FCHSD2: variants seen among roughly 807,000 people sequenced by gnomAD.
The protein encoded by FCHSD2 is F-BAR and double SH3 domains protein 2.
In FCHSD2, 38 loss-of-function variants were observed where a neutral mutation model predicts 108.1. The ratio of observed to expected loss-of-function variants is 0.35; its 90% CI spans 0.27 to 0.46. The LOEUF (loss-of-function observed/expected upper bound fraction) is 0.46. Among genes scored for constraint, FCHSD2 ranks in the 20% least tolerant of loss-of-function variants. The pLI, the probability that FCHSD2 is intolerant of heterozygous loss-of-function variation, is 1.00. For missense variants in FCHSD2, 751 were observed against 897.8 expected (o/e 0.84, Z 2.09); for synonymous variants, 279 against 314.7 (o/e 0.89, Z 1.20).
chr11:72,977,199 G>T (rs1857120290), intron 8 of FCHSD2, among the ~76,000 whole-genome samples: 1 of 152,156 alleles, frequency 6.6e-6, no homozygotes, highest in Non-Finnish European at 1.5e-5. Flanking sequence ...TGGGATTACA[G>T]GTGTGAGCCA....
chr11:73,003,601 C>T (rs2135420381), intron 4 of FCHSD2, among the ~76,000 whole-genome samples: 1 of 150,614 alleles, frequency 6.6e-6, no homozygotes, highest in East Asian at 2.0e-4. Flanking sequence ...ATTCTCCTGC[C>T]TCAGCCTCCC....
intron 5 of FCHSD2, among the ~76,000 whole-genome samples, chr11:72,991,169 T>G (rs1465590390): frequency 1.3e-5 from 2 of 152,158 alleles, no homozygotes; most frequent in Non-Finnish European, 2.9e-5. Flanking sequence ...CAGGAAGAAG[T>G]TGAATCTCTG....
intron 2 of FCHSD2, among the ~76,000 whole-genome samples, chr11:73,138,359 C>G (rs1265599674): frequency 6.6e-6 from 1 of 152,144 alleles, no homozygotes; most frequent in Non-Finnish European, 1.5e-5. Flanking sequence ...CTACAGACAA[C>G]AGGGGAAAAA....
At chr11:73,109,009 G>A (rs1860417550) in intron 2 of FCHSD2, among the ~76,000 whole-genome samples, 1 of 152,178 alleles carries the variant, frequency 6.6e-6, no homozygotes, top group Non-Finnish European at 1.5e-5. Context: ...CTCAATGTAT[G>A]TTCTTTGCAC....
At chr11:72,902,105 C>T (rs995954165) in intron 10 of FCHSD2, among the ~76,000 whole-genome samples, 1 of 152,078 alleles carries the variant, frequency 6.6e-6, no homozygotes, top group African/African-American at 2.4e-5. Flanking sequence ...GAACTCCTGA[C>T]CTCAGGTCAT....
At chr11:72,865,823 T>G (rs1263735737) in intron 13 of FCHSD2, among the ~76,000 whole-genome samples, 1 of 152,196 alleles carries the variant, frequency 6.6e-6, no homozygotes, top group African/African-American at 2.4e-5. Flanking sequence ...TTCCAAGGTG[T>G]GCAGATGAGT....
At chr11:72,970,053 T>C (rs933928140) in intron 8 of FCHSD2, among the ~76,000 whole-genome samples, 2 of 152,128 alleles carry the variant, frequency 1.3e-5, no homozygotes, top group African/African-American at 4.8e-5. Flanking sequence ...TCAACAGTCA[T>C]CAGAATACCA....
At chr11:72,887,925 C>CTGA (rs1855232542) in intron 11 of FCHSD2, among the ~76,000 whole-genome samples, 1 of 152,098 alleles carries the variant, frequency 6.6e-6, no homozygotes, top group African/African-American at 2.4e-5. Context: ...TGTTAAGCAA[C>CTGA]ATTACATAAG....
chr11:72,845,473 A>G (rs1431240104), intron 14 of FCHSD2, among the ~76,000 whole-genome samples: 7 of 150,296 alleles, frequency 4.7e-5, no homozygotes, highest in Admixed American at 4.6e-4. Context: ...AACAACAAAC[A>G]AACAAAAACC....
At chr11:72,940,794 G>A (rs1856401158) in intron 8 of FCHSD2, 1 of 847,852 alleles carries the variant, frequency 1.2e-6, no homozygotes, top group African/African-American at 1.6e-5. Context: ...GAAGCCTTCA[G>A]TGCGTTGCAG....
chr11:72,879,167 G>A (rs1373852825), intron 12 of FCHSD2, among the ~76,000 whole-genome samples: 1 of 152,166 alleles, frequency 6.6e-6, no homozygotes. Context: ...TATCCAGCCA[G>A]AGTTGAGAGA....
At chr11:72,934,681 T>C (rs2135331996) in intron 8 of FCHSD2, among the ~76,000 whole-genome samples, 1 of 152,264 alleles carries the variant, frequency 6.6e-6, no homozygotes, top group South Asian at 2.1e-4. Flanking sequence ...TGCTCAGAAA[T>C]GGCAGGATAA....
rs76555174 is a variant in FCHSD2, at chr11:72,902,561, C to T, written c.906G>A (p.Gln302=). 4,088 of 1,584,174 alleles carry T rather than the reference C, an allele frequency of 2.6e-3. 68 individuals carry two copies. The African/African-American group carries it at 0.043, about 16-fold the overall frequency. Residue 302 remains glutamine (Q), a synonymous_variant, in exon 10 of 20, where the codon CAG becomes CAA. Transcript: ENST00000409418. Reference sequence around the variant, plus strand: ...CCCTTACAGTATCACTGTCACAAGGCTGGAACTGGAAGGGCTGGGGTTTGT... The same window carrying T: ...CCCTTACAGTATCACTGTCACAAGGTTGGAACTGGAAGGGCTGGGGTTTGT... ...VFHKPQPFQF[Q]PCDSDTSRQL...
chr11:73,093,286 A>G (rs754660170), intron 2 of FCHSD2, among the ~76,000 whole-genome samples: 2 of 152,168 alleles, frequency 1.3e-5, no homozygotes, highest in Non-Finnish European at 2.9e-5. Flanking sequence ...CTCTTTAGCT[A>G]TAATAAATCA....
intron 8 of FCHSD2, among the ~76,000 whole-genome samples, chr11:72,971,651 A>G (rs989356013): frequency 7.2e-5 from 11 of 152,172 alleles, no homozygotes; most frequent in Non-Finnish European, 1.6e-4. Context: ...TCCTACAACC[A>G]GAAGGAACTG....
intron 2 of FCHSD2, among the ~76,000 whole-genome samples, chr11:73,106,128 C>A (rs1860336291): frequency 1.3e-5 from 2 of 152,074 alleles, no homozygotes; most frequent in African/African-American, 4.8e-5. Flanking sequence ...TTTACAAAAT[C>A]TTGAAATTTC....
intron 8 of FCHSD2, among the ~76,000 whole-genome samples, chr11:72,943,965 ATG>A (rs1324960850): frequency 6.6e-6 from 1 of 152,192 alleles, no homozygotes; most frequent in Non-Finnish European, 1.5e-5. Context: ...CTTCTATTGC[ATG>A]ACATGGAGGT....
intron 2 of FCHSD2, among the ~76,000 whole-genome samples, chr11:73,129,510 T>C (rs1591578363): frequency 6.6e-6 from 1 of 152,228 alleles, no homozygotes; most frequent in East Asian, 1.9e-4. Context: ...GGATCTAGGT[T>C]GCATGCTCCT....
At chr11:72,931,044 C>T (rs1435066972) in intron 8 of FCHSD2, among the ~76,000 whole-genome samples, 2 of 150,428 alleles carry the variant, frequency 1.3e-5, no homozygotes, top group Non-Finnish European at 3.0e-5. Context: ...ATCTCATGTG[C>T]CTCACAAATA....
Sources: gnomAD v4.1 joint callset for allele counts (sites outside exome capture counted in the v4.1 genomes callset) on GRCh38, gnomAD v4.1.1 for gene constraint, MANE v1.5 for transcripts, NCBI Gene and HGNC (gene_info 2026-07-23, HGNC 2026-07-21) for gene names.